Variants in WDFY2 observed in about 807,000 individuals in gnomAD.
The protein encoded by WDFY2 is WD repeat and FYVE domain-containing protein 2.
In WDFY2, 36 loss-of-function variants were observed where a neutral mutation model predicts 56.4. The ratio of observed to expected loss-of-function variants is 0.64; its 90% CI spans 0.49 to 0.84. The LOEUF (loss-of-function observed/expected upper bound fraction) is 0.84, where lower values mean the gene tolerates loss of function less well. WDFY2 is among the 40% of genes least tolerant of loss of function. The pLI is 0.00. For missense variants in WDFY2, 444 were observed against 512.2 expected (o/e 0.87, Z 1.29); for synonymous variants, 176 against 183.7 (o/e 0.96, Z 0.34).
chr13:51,733,392 G>C (rs1952766833), intron 6 of WDFY2, among the ~76,000 whole-genome samples: 1 of 152,118 alleles, frequency 6.6e-6, no homozygotes, highest in Admixed American at 6.5e-5. Context: ...TAGGTGGTGG[G>C]AACATTCCAG....
intron 3 of WDFY2, among the ~76,000 whole-genome samples, chr13:51,688,354 G>T (rs1956095793): frequency 6.6e-6 from 1 of 152,082 alleles, no homozygotes. Context: ...TTGCACTGTA[G>T]TTTTTTTCTT....
At position 51,751,294 on chromosome 13, in the gene WDFY2, T is replaced by C; in HGVS notation, c.726-16T>C. 1 of 1,610,428 alleles carries C rather than the reference T, an allele frequency of 6.2e-7. No homozygotes were observed. Among genetic ancestry groups the C allele is most frequent in the Non-Finnish European group, 8.5e-7 (1 of 1,178,480 alleles). On this transcript the variant is annotated splice_polypyrimidine_tract_variant and intron_variant, in intron 7 of 11. Coordinates refer to ENST00000298125, the MANE Select transcript of WDFY2 (RefSeq NM_052950.4). ...TGTTCTCCTAAACTGTCAATAACCC[T>C]TGGTTTCTTTCACAGCGACAGAGTC...
At chr13:51,708,668 C>A (rs1205778225) in intron 4 of WDFY2, among the ~76,000 whole-genome samples, 1 of 151,478 alleles carries the variant, frequency 6.6e-6, no homozygotes, top group Non-Finnish European at 1.5e-5. Flanking sequence ...GTAAACCTCA[C>A]AATGTCAGTA....
chr13:51,674,721 A>G (rs937768928), intron 2 of WDFY2, among the ~76,000 whole-genome samples: 1 of 152,080 alleles, frequency 6.6e-6, no homozygotes, highest in African/African-American at 2.4e-5. Flanking sequence ...TCCTGTGTGT[A>G]TGTGTCTGTA....
intron 1 of WDFY2, among the ~76,000 whole-genome samples, chr13:51,644,349 C>T (rs763398379): frequency 4.6e-5 from 7 of 152,170 alleles, no homozygotes; most frequent in Non-Finnish European, 8.8e-5. Context: ...TTAAGACAAC[C>T]ATTTCCAGGT....
At chr13:51,685,458 T>G (rs966550790) in intron 3 of WDFY2, among the ~76,000 whole-genome samples, 1 of 152,202 alleles carries the variant, frequency 6.6e-6, no homozygotes, top group Non-Finnish European at 1.5e-5. Flanking sequence ...GAAGCCTTAC[T>G]GATAGCGTAA....
intron 3 of WDFY2, among the ~76,000 whole-genome samples, chr13:51,701,083 G>A (rs1373176473): frequency 6.6e-6 from 1 of 152,208 alleles, no homozygotes; most frequent in Non-Finnish European, 1.5e-5. Flanking sequence ...GCATTGCCAA[G>A]TAGTTTTAAT....
At chr13:51,720,941 CTT>C (rs764900879) in intron 5 of WDFY2, among the ~76,000 whole-genome samples, 1 of 128,374 alleles carries the variant, frequency 7.8e-6, no homozygotes, top group Admixed American at 8.3e-5. Context: ...ATCATTCTGT[CTT>C]CTCTCTCTCT....
At chr13:51,722,919 T>C (rs964278168) in intron 5 of WDFY2, among the ~76,000 whole-genome samples, 4 of 152,234 alleles carry the variant, frequency 2.6e-5, no homozygotes, top group African/African-American at 7.2e-5. Flanking sequence ...GTTTTGATAA[T>C]ATTTTTCCTG....
intron 1 of WDFY2, among the ~76,000 whole-genome samples, chr13:51,623,072 G>C (rs1448269417): frequency 1.3e-5 from 2 of 151,888 alleles, no homozygotes; most frequent in African/African-American, 4.8e-5. Flanking sequence ...TGGCCAGGCT[G>C]GTCTTGAACT....
At chr13:51,749,671 T>C (rs1177771143) in intron 7 of WDFY2, among the ~76,000 whole-genome samples, 6 of 152,186 alleles carry the variant, frequency 3.9e-5, no homozygotes, top group Non-Finnish European at 1.5e-5. Context: ...AGCCTCACTA[T>C]AGCATAGAAA....
chr13:51,748,230 G>A lies in WDFY2; in HGVS notation c.726-3080G>A, dbSNP rs138902429. Among the ~76,000 whole-genome samples the A allele has an allele frequency of 5.0e-3, 755 of 152,300 alleles. 5 individuals are homozygous for A. Among genetic ancestry groups the A allele is most frequent in the African/African-American group, 0.014 (593 of 41,556 alleles). On this transcript the variant is annotated intron_variant, in intron 7 of 11. Coordinates refer to ENST00000298125, the MANE Select transcript of WDFY2 (RefSeq NM_052950.4). ...CCTGCACTTCTCAAGTTAGCCAACCGTGTTCGGCTTAGATTGTGCTGTCCA... is the reference window on the plus strand; with the variant it reads ...CCTGCACTTCTCAAGTTAGCCAACCATGTTCGGCTTAGATTGTGCTGTCCA...
chr13:51,719,476 C>A, intron 5 of WDFY2, 128 bp downstream of exon 5: 2 of 1,093,072 alleles, frequency 1.8e-6, no homozygotes, highest in Non-Finnish European at 2.6e-6. Flanking sequence ...GATTACAATG[C>A]TCATAGAATT....
intron 3 of WDFY2, among the ~76,000 whole-genome samples, chr13:51,696,501 C>T (rs1951879344): frequency 6.6e-6 from 1 of 152,124 alleles, no homozygotes. Flanking sequence ...AGGAATAAAA[C>T]AGGGTTGGAG....
At chr13:51,758,150 T>A in intron 10 of WDFY2, 42 bp from the exon 11 acceptor site, 5 of 1,485,862 alleles carry the variant, frequency 3.4e-6, no homozygotes, top group Non-Finnish European at 3.7e-6. Context: ...CATTCATATG[T>A]CACCACCTTT....
At position 51,692,309 on chromosome 13, in the gene WDFY2, A is replaced by C. The variant is rs1024308367; in HGVS notation, c.280-11287A>C. Among the ~76,000 whole-genome samples the C allele has an allele frequency of 5.3e-3, 810 of 152,324 alleles. 6 individuals carry two copies. The highest frequency in any genetic ancestry group is 0.018 in the African/African-American group (754 of 41,566). On this transcript the variant is annotated intron_variant, in intron 3 of 11. Transcript: ENST00000298125. ...GAATCCTTCCAGTTTTTGCCCATTC[A>C]GTATGATATTGGCTGTAGGTTTGTC...
chr13:51,633,868 T>C (rs1954999111), intron 1 of WDFY2, among the ~76,000 whole-genome samples: 1 of 152,204 alleles, frequency 6.6e-6, no homozygotes, highest in Non-Finnish European at 1.5e-5. Context: ...GTATATATAC[T>C]TTGGTCTGTT....
chr13:51,613,060 C>T (rs1026815665), intron 1 of WDFY2, among the ~76,000 whole-genome samples: 2 of 151,512 alleles, frequency 1.3e-5, no homozygotes, highest in African/African-American at 2.4e-5. Flanking sequence ...CAGCCATGTG[C>T]GGTGGTGCAT....
At chr13:51,589,526 G>A (rs1005622100) in intron 1 of WDFY2, 2 of 152,090 alleles carry the variant, frequency 1.3e-5, no homozygotes, top group Non-Finnish European at 2.9e-5. Flanking sequence ...CACTATCCCA[G>A]TTCTCTGCTT....
Sources: gnomAD v4.1 joint callset for allele counts (sites outside exome capture counted in the v4.1 genomes callset) on GRCh38, gnomAD v4.1.1 for gene constraint, MANE v1.5 for transcripts, NCBI Gene and HGNC (gene_info 2026-07-23, HGNC 2026-07-21) for gene names.